Variants in RBFOX1 observed in about 807,000 individuals in gnomAD.
The protein encoded by RBFOX1 is RNA binding fox-1 homolog 1.
A neutral mutation model predicts 57.7 loss-of-function variants in RBFOX1; 8 were observed. That is an observed-to-expected ratio of 0.14 (90% CI 0.08 to 0.25). RBFOX1 has a LOEUF of 0.25. Ranked by LOEUF, RBFOX1 falls within the 10% of genes least tolerant of loss-of-function variation. The pLI is 1.00. For missense variants in RBFOX1, 611 were observed against 548.5 expected (o/e 1.11, Z -1.14); for synonymous variants, 326 against 222.4 (o/e 1.47, Z -4.15).
chr16:7,079,450 C>A (rs1017637143), intron 4 of RBFOX1, among the ~76,000 whole-genome samples: 1 of 152,190 alleles, frequency 6.6e-6, no homozygotes, highest in African/African-American at 2.4e-5. Flanking sequence ...TGTGTACCTG[C>A]ATTTTGTCAT....
At chr16:6,110,129 A>C (rs1033523177) in intron 1 of RBFOX1, among the ~76,000 whole-genome samples, 2 of 151,382 alleles carry the variant, frequency 1.3e-5, no homozygotes, top group Admixed American at 6.6e-5. Flanking sequence ...GGATAAGTAC[A>C]TCTATTTTGT....
At chr16:6,368,190 T>C (rs1489141634) in intron 2 of RBFOX1, among the ~76,000 whole-genome samples, 1 of 152,216 alleles carries the variant, frequency 6.6e-6, no homozygotes, top group Non-Finnish European at 1.5e-5. Flanking sequence ...CATATGAGAC[T>C]TGTATTATAT....
intron 2 of RBFOX1, among the ~76,000 whole-genome samples, chr16:6,519,611 G>C (rs909753335): frequency 1.3e-5 from 2 of 152,176 alleles, no homozygotes; most frequent in African/African-American, 4.8e-5. Context: ...TGAGGCCAGA[G>C]AATTGCTTGA....
At chr16:5,950,842 A>G (rs2059505310) in intron 4 of RBFOX1, among the ~76,000 whole-genome samples, 1 of 152,062 alleles carries the variant, frequency 6.6e-6, no homozygotes, top group Non-Finnish European at 1.5e-5. Flanking sequence ...TCTGTTCTGC[A>G]GTGGTCCAAG....
chr16:6,773,015 TG>T (rs2078627574), intron 3 of RBFOX1, among the ~76,000 whole-genome samples: 2 of 141,568 alleles, frequency 1.4e-5, no homozygotes, highest in African/African-American at 5.4e-5. Flanking sequence ...TGTGTGTGTG[TG>T]TGATTGTATT....
intron 1 of RBFOX1, among the ~76,000 whole-genome samples, chr16:6,283,006 C>G (rs1427087751): frequency 6.6e-6 from 1 of 152,190 alleles, no homozygotes; most frequent in Non-Finnish European, 1.5e-5. Context: ...GTGACTGAGT[C>G]TAGATGTGCT....
rs1555648980 is a variant in RBFOX1, at chr16:7,597,362, T to C, written c.562-9T>C. 1.2e-6 allele frequency: 2 copies of C among 1,601,796 alleles called. No individual in the cohort carries two copies. The highest frequency in any genetic ancestry group is 1.7e-6 in the Non-Finnish European group (2 of 1,172,822). ...AATATGTGCTTACTTGAGTTTTCTATGTACATAGGTAAATAATGCCACAGC... is the reference window on the plus strand; with the variant it reads ...AATATGTGCTTACTTGAGTTTTCTACGTACATAGGTAAATAATGCCACAGC... On this transcript the variant is annotated splice_polypyrimidine_tract_variant and intron_variant, in intron 8 of 15. Transcript: ENST00000550418.
intron 4 of RBFOX1, among the ~76,000 whole-genome samples, chr16:7,071,560 C>A (rs1395111805): frequency 2.0e-5 from 3 of 150,060 alleles, no homozygotes; most frequent in African/African-American, 7.4e-5. Flanking sequence ...GGGGTCACAA[C>A]TGACCCCAAC....
chr16:5,619,213 C>G (rs1330805673), intron 3 of RBFOX1, among the ~76,000 whole-genome samples: 2 of 152,220 alleles, frequency 1.3e-5, no homozygotes, highest in Non-Finnish European at 2.9e-5. Flanking sequence ...TGGCCCCACT[C>G]TCTTCCCACT....
At chr16:5,513,614 C>G (rs550014795) in intron 2 of RBFOX1, among the ~76,000 whole-genome samples, 2 of 152,270 alleles carry the variant, frequency 1.3e-5, no homozygotes, top group African/African-American at 4.8e-5. Context: ...ATTTGGAATT[C>G]TTCTCTATGG....
rs190371289 is a variant in RBFOX1, at chr16:7,592,213, A to C, written c.469-3336A>C. ...AAGCAAAGAGAGAAAGAAGTTTCGC[A>C]GAAAAACAATGAGAATAATAAAAAA... On this transcript the variant is annotated intron_variant, in intron 7 of 15. Transcript: ENST00000550418. Among the ~76,000 whole-genome samples, 251 of 152,332 alleles carry C rather than the reference A, an allele frequency of 1.6e-3. 2 individuals carry two copies. The highest frequency in any genetic ancestry group is 5.7e-3 in the African/African-American group (235 of 41,592).
chr16:7,488,830 A>G (rs2066141697), intron 4 of RBFOX1, among the ~76,000 whole-genome samples: 1 of 152,142 alleles, frequency 6.6e-6, no homozygotes, highest in Admixed American at 6.5e-5. Flanking sequence ...ATCCATCTAT[A>G]CATTCTCACA....
At chr16:7,271,533 G>T (rs914414607) in intron 4 of RBFOX1, among the ~76,000 whole-genome samples, 3 of 151,996 alleles carry the variant, frequency 2.0e-5, no homozygotes, top group African/African-American at 7.3e-5. Context: ...TTTTTTTAAA[G>T]ATACGTGCAT....
intron 1 of RBFOX1, among the ~76,000 whole-genome samples, chr16:5,324,652 T>G (rs150572391): frequency 1.1e-4 from 17 of 152,322 alleles, no homozygotes; most frequent in Admixed American, 1.1e-3. Flanking sequence ...TCATGTCCTT[T>G]GCAGGAACAT....
In RBFOX1 at chr16:5,590,187, T is replaced by C. The variant is rs140313788; in HGVS notation, c.259-8715T>C. Among the ~76,000 whole-genome samples the C allele has an allele frequency of 4.4e-3, 667 of 152,250 alleles. 8 individuals carry two copies. The highest frequency in any genetic ancestry group is 0.015 in the African/African-American group (633 of 41,528). ...TTTTTTTTCCTGCAGTCTGAAACGA[T>C]TTACATGGTAATAGAAGGCATAGTC... On this transcript the variant is annotated intron_variant, in intron 2 of 2. Transcript: ENST00000585867.
At chr16:6,839,816 G>A (rs913864618) in intron 3 of RBFOX1, among the ~76,000 whole-genome samples, 4 of 152,146 alleles carry the variant, frequency 2.6e-5, no homozygotes, top group South Asian at 2.1e-4. Context: ...ATAGCACTTC[G>A]TGTACTCATA....
intron 1 of RBFOX1, among the ~76,000 whole-genome samples, chr16:6,193,425 T>TATAA (rs1243693521): frequency 1.6e-3 from 168 of 106,472 alleles, no homozygotes; most frequent in African/African-American, 4.4e-3. Context: ...TATATATATA[T>TATAA]AAAATTCAGT....
chr16:6,981,924 G>A (rs573953422), intron 3 of RBFOX1, among the ~76,000 whole-genome samples: 2 of 152,184 alleles, frequency 1.3e-5, no homozygotes, highest in African/African-American at 4.8e-5. Context: ...GTATACGCAT[G>A]CATGGGTCTT....
chr16:6,825,164 G>C (rs1364125488), intron 3 of RBFOX1, among the ~76,000 whole-genome samples: 1 of 150,542 alleles, frequency 6.6e-6, no homozygotes, highest in Non-Finnish European at 1.5e-5. Context: ...CCTTGGCGTT[G>C]CTGGTCAGAT....
Sources: allele counts gnomAD v4.1 joint callset (sites outside exome capture counted in the v4.1 genomes callset), GRCh38; gene constraint gnomAD v4.1.1; transcripts MANE v1.5; gene names NCBI Gene and HGNC (gene_info 2026-07-23, HGNC 2026-07-21).